Variants in CHST12 observed in about 807,000 individuals in gnomAD.
CHST12 encodes the protein carbohydrate (chondroitin 4) sulfotransferase 12.
A neutral mutation model predicts 27.9 loss-of-function variants in CHST12; 23 were observed. The observed-to-expected ratio is 0.82, with a 90% confidence interval of 0.59 to 1.17. The LOEUF (loss-of-function observed/expected upper bound fraction) is 1.17, where lower values mean the gene tolerates loss of function less well. CHST12 is among the 50% of genes most tolerant of loss of function. The probability of loss-of-function intolerance (pLI) is 0.00; values close to 1 mark genes in which losing one functional copy is unlikely to be tolerated. For missense variants in CHST12, 682 were observed against 603.0 expected, an observed-to-expected ratio of 1.13 and a Z score of -1.37; for synonymous variants, 322 against 273.0, an observed-to-expected ratio of 1.18 and a Z score of -1.77.
At chr7:2,431,189 G>GT (rs904053659) in intron 1 of CHST12, among the ~76,000 whole-genome samples, 1 of 152,180 alleles carries the variant, frequency 6.6e-6, no homozygotes, top group Non-Finnish European at 1.5e-5. Flanking sequence ...GTGCATACAT[G>GT]TTTAGGATTG....
At chr7:2,428,880 C>T (rs908374565) in intron 1 of CHST12, among the ~76,000 whole-genome samples, 1 of 152,166 alleles carries the variant, frequency 6.6e-6, no homozygotes, top group Non-Finnish European at 1.5e-5. Context: ...CAGAAATTCT[C>T]AGAAGGGAGT....
chr7:2,405,713 A>G (rs1429875521), intron 1 of CHST12, among the ~76,000 whole-genome samples: 2 of 151,974 alleles, frequency 1.3e-5, no homozygotes, highest in Admixed American at 6.6e-5. Context: ...GCTTTGTGAG[A>G]TGTGGCGACC....
At chr7:2,410,377 G>A (rs1438537113) in intron 1 of CHST12, among the ~76,000 whole-genome samples, 1 of 152,204 alleles carries the variant, frequency 6.6e-6, no homozygotes, top group Non-Finnish European at 1.5e-5. Flanking sequence ...GCCAGGCATG[G>A]TGGCTCACGC....
upstream of CHST12, chr7:2,403,497 C>G (rs1047716160): frequency 6.6e-6 from 1 of 151,774 alleles, no homozygotes; most frequent in Non-Finnish European, 1.5e-5. Context: ...GGCGGGCGCC[C>G]CTCGGCCTCC....
chr7:2,431,794 T>C (rs1782275503), intron 1 of CHST12, among the ~76,000 whole-genome samples: 2 of 152,280 alleles, frequency 1.3e-5, no homozygotes, highest in South Asian at 2.1e-4. Flanking sequence ...AGTTTTTCCA[T>C]TGGCATTCGA....
In CHST12 at chr7:2,406,845, A is replaced by T. The variant is rs1026058287; in HGVS notation, c.-78+3172A>T. On this transcript the variant is annotated intron_variant, in intron 1 of 1. Coordinates refer to ENST00000618655, the MANE Select transcript of CHST12 (RefSeq NM_018641.5). ...AGGGCATCTGAAGAAAACCTCTGCT[A>T]CAGGAGATTGAGACCAGAATACACA... Among the ~76,000 whole-genome samples the T allele has an allele frequency of 2.0e-5, 3 of 152,138 alleles. No homozygotes were observed. The South Asian group carries it at 6.2e-4, about 31-fold the overall frequency.
At position 2,440,230 on chromosome 7, in the gene CHST12, T is replaced by G. The variant is rs1782567208; in HGVS notation, c.*6346T>G. ...TCCCGTCACACTTGTCTGATGAGGA[T>G]CTGTTGGTTGACTTTGACAGTGATA... On this transcript the variant is annotated 3_prime_UTR_variant, in exon 2 of 2. Transcript: ENST00000618655. The G allele has an allele frequency of 6.5e-6, 1 of 154,208 alleles. No homozygotes were observed. Among genetic ancestry groups the G allele is most frequent in the Non-Finnish European group, 1.5e-5 (1 of 68,092 alleles). The allele number at this position is 154,208 out of a possible 1,614,324, so 9.6% of individuals were successfully genotyped here.
intron 1 of CHST12, among the ~76,000 whole-genome samples, chr7:2,406,952 C>T (rs545421453): frequency 4.0e-5 from 6 of 151,630 alleles, no homozygotes; most frequent in South Asian, 2.1e-4. Flanking sequence ...GCGAAAATAT[C>T]GCGAACATGA....
rs528425042 is a variant in CHST12 at position 2,447,497 on chromosome 7, G to C, written c.*13613G>C. The C allele has an allele frequency of 6.6e-6, 1 of 152,486 alleles. No homozygotes were observed. The highest frequency in any genetic ancestry group is 6.5e-5 in the Admixed American group (1 of 15,294). The allele number at this position is 152,486 out of a possible 1,614,324, so 9.4% of individuals were successfully genotyped here. ...CTTTTTTGTTGTTGTTGTTGAGACA[G>C]AGTCTTGCTCTGTCGCCCAGGCTGG... On this transcript the variant is annotated 3_prime_UTR_variant, in exon 2 of 2. Transcript: ENST00000618655.
intron 1 of CHST12, among the ~76,000 whole-genome samples, chr7:2,410,092 TTTCGTCGTTTTCC>T (rs1432512535): frequency 6.6e-6 from 1 of 152,172 alleles, no homozygotes; most frequent in Non-Finnish European, 1.5e-5. Context: ...GAGCGCTTTC[TTTCGTCGTTTTCC>T]AAGGGGGTTT....
At position 2,440,894 on chromosome 7, in the gene CHST12, AG is replaced by A. The variant is rs1256301118; in HGVS notation, c.*7011del. ...AGTTACCACCTCGTGAGTGGTCATA[AG>A]TTAGCGTGTCTAAATGCACTTTGAA... On this transcript the variant is annotated 3_prime_UTR_variant, in exon 2 of 2. Transcript: ENST00000618655. 6.6e-6 allele frequency: 1 copy of A among 152,156 alleles called. No homozygotes were observed. Among genetic ancestry groups the A allele is most frequent in the African/African-American group, 2.4e-5 (1 of 41,432 alleles). 9.4% of individuals were successfully genotyped at this position (152,156 alleles called of 1,614,324 possible).
At chr7:2,423,699 AATC>A (rs2115420519) in intron 1 of CHST12, among the ~76,000 whole-genome samples, 1 of 152,192 alleles carries the variant, frequency 6.6e-6, no homozygotes, top group South Asian at 2.1e-4. Context: ...TTTTTCTGAG[AATC>A]ATCCCAGCTC....
intron 1 of CHST12, among the ~76,000 whole-genome samples, chr7:2,430,197 T>C (rs1263692379): frequency 6.6e-6 from 1 of 152,220 alleles, no homozygotes; most frequent in Non-Finnish European, 1.5e-5. Flanking sequence ...TAGAAATGTG[T>C]CATTTATTTT....
At chr7:2,417,668 G>T (rs966544050) in intron 1 of CHST12, among the ~76,000 whole-genome samples, 1 of 152,042 alleles carries the variant, frequency 6.6e-6, no homozygotes, top group Non-Finnish European at 1.5e-5. Flanking sequence ...GTGATTATAG[G>T]CATGAGCCAC....
chr7:2,408,440 AGAG>A (rs2115383290), intron 1 of CHST12, among the ~76,000 whole-genome samples: 1 of 152,192 alleles, frequency 6.6e-6, no homozygotes, highest in South Asian at 2.1e-4. Context: ...TCTCAGAACA[AGAG>A]GAGAAAGTAA....
At chr7:2,421,213 A>G (rs1403799682) in intron 1 of CHST12, among the ~76,000 whole-genome samples, 7 of 139,578 alleles carry the variant, frequency 5.0e-5, no homozygotes, top group Admixed American at 4.4e-4. Context: ...GCACACCACC[A>G]TGTCCTGCTA....
At chr7:2,411,273 C>G (rs1222037956) in intron 1 of CHST12, among the ~76,000 whole-genome samples, 2 of 151,766 alleles carry the variant, frequency 1.3e-5, no homozygotes, top group Non-Finnish European at 2.9e-5. Context: ...GTACAGATGG[C>G]TTCTTGGTAT....
chr7:2,416,043 G>T (rs1196890220), intron 1 of CHST12, among the ~76,000 whole-genome samples: 1 of 152,150 alleles, frequency 6.6e-6, no homozygotes, highest in Non-Finnish European at 1.5e-5. Flanking sequence ...TAAAATTGTA[G>T]TCAATCTTCT....
intron 1 of CHST12, among the ~76,000 whole-genome samples, chr7:2,423,251 T>C (rs1782022778): frequency 6.6e-6 from 1 of 151,474 alleles, no homozygotes; most frequent in African/African-American, 2.4e-5. Context: ...CCCGCCTGGG[T>C]GACAGAACAA....
Sources: gnomAD v4.1 joint callset for allele counts (sites outside exome capture counted in the v4.1 genomes callset) on GRCh38, gnomAD v4.1.1 for gene constraint, MANE v1.5 for transcripts, NCBI Gene and HGNC (gene_info 2026-07-23, HGNC 2026-07-21) for gene names.